Variants in FLT1 observed in about 807,000 individuals in gnomAD.
FLT1 encodes the protein vascular endothelial growth factor receptor 1.
Under a neutral mutation model 156.3 loss-of-function variants are expected in FLT1, and 49 were observed. The ratio of observed to expected loss-of-function variants is 0.31; its 90% CI spans 0.25 to 0.40. The LOEUF (loss-of-function observed/expected upper bound fraction) is 0.40, where lower values mean the gene tolerates loss of function less well. Among genes scored for constraint, FLT1 ranks in the 10% least tolerant of loss-of-function variants. The pLI is 1.00. For missense variants in FLT1, 1,322 were observed against 1,637.2 expected, an observed-to-expected ratio of 0.81 and a Z score of 3.32; for synonymous variants, 594 against 583.8, an observed-to-expected ratio of 1.02 and a Z score of -0.25.
chr13:28,314,962 A>C (rs1871142395), intron 25 of FLT1, among the ~76,000 whole-genome samples: 1 of 152,168 alleles, frequency 6.6e-6, no homozygotes, highest in Non-Finnish European at 1.5e-5. Context: ...AGCTGATGTG[A>C]CTTTGTACCT....
chr13:28,359,665 A>G (rs529800031), intron 14 of FLT1, among the ~76,000 whole-genome samples: 2 of 152,350 alleles, frequency 1.3e-5, no homozygotes, highest in South Asian at 2.1e-4. Flanking sequence ...TCCAAAATAT[A>G]CAAGGAACTC....
At chr13:28,486,788 C>T (rs1012966370) in intron 1 of FLT1, among the ~76,000 whole-genome samples, 2 of 152,336 alleles carry the variant, frequency 1.3e-5, no homozygotes, top group Admixed American at 6.5e-5. Context: ...CAGGAATTCT[C>T]GTAAATAGTT....
rs1870522004 is a variant in FLT1 at position 28,301,651 on chromosome 13, C to A, written c.*1516G>T. 4.3e-6 allele frequency: 1 copy of A among 233,140 alleles called. No homozygotes were observed. Among genetic ancestry groups the A allele is most frequent in the African/African-American group, 2.2e-5 (1 of 45,306 alleles). The allele number at this position is 233,140 out of a possible 1,614,324, so 14.4% of individuals were successfully genotyped here. On this transcript the variant is annotated 3_prime_UTR_variant, in exon 30 of 30. Transcript: ENST00000282397. ...GACTGGCTGCAGAAGGTGCAGACAT[C>A]ATAAATACATAGACCCTAACTTGCA... is the stretch of plus-strand genomic sequence containing the variant.
In FLT1 at chr13:28,372,563, A is replaced by AATGTATAT. The variant is rs1565990695; in HGVS notation, c.2116+12314_2116+12321dup. Among the ~76,000 whole-genome samples, 3 of 46,608 alleles carry AATGTATAT rather than the reference A, an allele frequency of 6.4e-5. No individual in the cohort carries two copies. The South Asian group carries it at 2.8e-3, about 44-fold the overall frequency. The allele number at this position is 46,608 out of a possible 152,430, so 30.6% of individuals were successfully genotyped here. Reference sequence around the variant, plus strand: ...ATTCATATATTCCTCGTTTAAATAAAATGTATATATATATATATATATATA... The same window carrying AATGTATAT: ...ATTCATATATTCCTCGTTTAAATAAAATGTATATATGTATATATATATATATATATATA... On this transcript the variant is annotated intron_variant, in intron 14 of 29. Transcript: ENST00000282397.
At chr13:28,446,558 C>T (rs1395659697) in intron 3 of FLT1, among the ~76,000 whole-genome samples, 1 of 152,028 alleles carries the variant, frequency 6.6e-6, no homozygotes, top group East Asian at 1.9e-4. Flanking sequence ...ATAACAGCAT[C>T]AAAAAGAATA....
chr13:28,418,122 A>G (rs570333604), intron 10 of FLT1, among the ~76,000 whole-genome samples: 1 of 152,126 alleles, frequency 6.6e-6, no homozygotes, highest in Non-Finnish European at 1.5e-5. Context: ...GGACAATACG[A>G]ATAGGGGAAA....
At chr13:28,430,527 A>G (rs1360007283) in intron 7 of FLT1, among the ~76,000 whole-genome samples, 1 of 152,206 alleles carries the variant, frequency 6.6e-6, no homozygotes, top group East Asian at 1.9e-4. Flanking sequence ...ACACCCTAAA[A>G]CAACCAATTT....
intron 27 of FLT1, among the ~76,000 whole-genome samples, chr13:28,310,689 G>A (rs1045288920): frequency 6.6e-6 from 1 of 152,090 alleles, no homozygotes; most frequent in Non-Finnish European, 1.5e-5. Flanking sequence ...GCAGTAATAC[G>A]GGATAGATGC....
chr13:28,303,492 AC>A (rs5802470), intron 29 of FLT1, 124 bp from the exon 30 acceptor site: 23,702 of 641,876 alleles, frequency 0.037, 887 homozygotes, highest in African/African-American at 0.21. Flanking sequence ...TGGTTTTGGA[AC>A]CCCCCCCCCC....
chr13:28,313,499 T>C (rs909922260), intron 25 of FLT1, among the ~76,000 whole-genome samples: 1 of 152,342 alleles, frequency 6.6e-6, no homozygotes, highest in South Asian at 2.1e-4. Context: ...GAAGGGACTC[T>C]GACTTACACT....
intron 17 of FLT1, among the ~76,000 whole-genome samples, chr13:28,337,534 C>G (rs1872166721): frequency 6.6e-6 from 1 of 152,204 alleles, no homozygotes; most frequent in Non-Finnish European, 1.5e-5. Flanking sequence ...GGCCTTGCAG[C>G]CACACTCTGT....
chr13:28,469,852 C>G (rs1257941663), intron 1 of FLT1, among the ~76,000 whole-genome samples: 1 of 152,110 alleles, frequency 6.6e-6, no homozygotes, highest in Admixed American at 6.5e-5. Context: ...CTGCCAGGTT[C>G]AAGCGATTCT....
rs115210819 is a variant in FLT1 at position 28,300,428 on chromosome 13, G to C, written c.*2739C>G. The C allele has an allele frequency of 5.6e-3, 1,311 of 233,006 alleles. 21 individuals are homozygous for C. The highest frequency in any genetic ancestry group is 0.027 in the African/African-American group (1,210 of 45,346). 14.4% of individuals were successfully genotyped at this position (233,006 alleles called of 1,614,324 possible). A position where few individuals can be genotyped will look rare whatever the true frequency, so the allele number is the denominator to read the frequency against. On this transcript the variant is annotated 3_prime_UTR_variant, in exon 30 of 30. Coordinates refer to ENST00000282397, the MANE Select transcript of FLT1 (RefSeq NM_002019.4). ...AGAAATATAGGACCAAACCATGTCT[G>C]TCTTATATCTGTAGCATATATTCTT...
rs1481096301 is a variant in FLT1, at chr13:28,396,585, A to T, written c.1660+375T>A. Reference sequence around the variant, plus strand: ...AACCTTTTGGTTAAAACAAAAACAAAACCAAAAACGATGTCATCATATTAT... The same window carrying T: ...AACCTTTTGGTTAAAACAAAAACAATACCAAAAACGATGTCATCATATTAT... On this transcript the variant is annotated intron_variant, in intron 12 of 29. Transcript: ENST00000282397. Among the ~76,000 whole-genome samples, 4 of 152,218 alleles carry T rather than the reference A, an allele frequency of 2.6e-5. No homozygotes were observed. In the East Asian group the frequency reaches 7.7e-4, roughly 29 times the overall value.
intron 22 of FLT1, 85 bp from the exon 23 acceptor site, chr13:28,321,670 T>G: frequency 7.1e-7 from 1 of 1,410,320 alleles, no homozygotes; most frequent in Non-Finnish European, 1.0e-6. Context: ...TTATCTTAAT[T>G]TGGGAATCCA....
intron 14 of FLT1, among the ~76,000 whole-genome samples, chr13:28,371,030 T>G: frequency 6.6e-6 from 1 of 152,192 alleles, no homozygotes; most frequent in Non-Finnish European, 1.5e-5. Context: ...CATATTACAG[T>G]GTATGCCTGC....
chr13:28,421,904 A>C (rs1877024881), intron 10 of FLT1, among the ~76,000 whole-genome samples: 1 of 152,222 alleles, frequency 6.6e-6, no homozygotes, highest in Non-Finnish European at 1.5e-5. Flanking sequence ...GAACTGGCCA[A>C]GGTCACACAG....
chr13:28,349,996 T>C lies in FLT1; in HGVS notation c.2249-4445A>G, dbSNP rs186572621. On this transcript the variant is annotated intron_variant, in intron 15 of 29. Transcript: ENST00000282397. Reference sequence around the variant, plus strand: ...AAAAGCGACTGTTAGGACAGTCTTATGCTGGGTGACTGACTGAAGTGAACC... The same window carrying C: ...AAAAGCGACTGTTAGGACAGTCTTACGCTGGGTGACTGACTGAAGTGAACC... Among the ~76,000 whole-genome samples the C allele has an allele frequency of 2.3e-3, 344 of 152,352 alleles. 1 individual carries two copies. The highest frequency in any genetic ancestry group is 4.0e-3 in the Non-Finnish European group (272 of 68,028).
At chr13:28,400,811 C>T (rs1317601175) in intron 11 of FLT1, among the ~76,000 whole-genome samples, 1 of 152,096 alleles carries the variant, frequency 6.6e-6, no homozygotes, top group Non-Finnish European at 1.5e-5. Context: ...ATAAGGTATG[C>T]AAAAATAAAT....
Sources: gnomAD v4.1 joint callset for allele counts (sites outside exome capture counted in the v4.1 genomes callset) on GRCh38, gnomAD v4.1.1 for gene constraint, MANE v1.5 for transcripts, NCBI Gene and HGNC (gene_info 2026-07-23, HGNC 2026-07-21) for gene names.